The following HEMK2 variants were observed in gnomAD, a reference collection of about 807,000 sequenced individuals.
The protein encoded by HEMK2 is HemK methyltransferase 2, ETF1 glutamine and histone H4 lysine.
chr21:28,765,763 G>A, the HEMK2 span, among the ~76,000 whole-genome samples: 1 of 152,020 alleles, frequency 6.6e-6, no homozygotes, highest in African/African-American at 2.4e-5. Flanking sequence ...GAAATATTTG[G>A]TGCTGTGAGC....
the HEMK2 span, among the ~76,000 whole-genome samples, chr21:28,587,823 A>G: frequency 1.3e-5 from 2 of 152,246 alleles, no homozygotes; most frequent in Non-Finnish European, 2.9e-5. Flanking sequence ...ATAAATGATC[A>G]AGTTTTATTG....
the HEMK2 span, among the ~76,000 whole-genome samples, chr21:28,602,119 A>T: frequency 0.59 from 89,956 of 151,550 alleles, 26,908 homozygotes; most frequent in East Asian, 0.81. Flanking sequence ...TTTAACTATG[A>T]AGGAGAAAAG....
At chr21:28,681,375 C>CA in the HEMK2 span, among the ~76,000 whole-genome samples, 9 of 152,016 alleles carry the variant, frequency 5.9e-5, no homozygotes, top group African/African-American at 2.2e-4. Flanking sequence ...AGGAGAACTA[C>CA]AAACCACTGC....
At chr21:28,591,014 T>G in the HEMK2 span, among the ~76,000 whole-genome samples, 3 of 152,332 alleles carry the variant, frequency 2.0e-5, 1 homozygote, top group Admixed American at 1.3e-4. Flanking sequence ...CACAAACATT[T>G]TGTTACAGCA....
the HEMK2 span, among the ~76,000 whole-genome samples, chr21:28,693,461 G>A: frequency 6.6e-6 from 1 of 152,126 alleles, no homozygotes; most frequent in Non-Finnish European, 1.5e-5. Flanking sequence ...ATCAACTGGA[G>A]GTGAAAGTTT....
chr21:28,821,946 T>C, the HEMK2 span, among the ~76,000 whole-genome samples: 2 of 152,236 alleles, frequency 1.3e-5, no homozygotes, highest in East Asian at 3.8e-4. Context: ...TGGATCTGGA[T>C]ACTGGAAGTT....
the HEMK2 span, among the ~76,000 whole-genome samples, chr21:28,648,639 T>G: frequency 6.6e-6 from 1 of 152,158 alleles, no homozygotes; most frequent in Non-Finnish European, 1.5e-5. Context: ...ACCTTGATCT[T>G]CTATGTTGTG....
the HEMK2 span, among the ~76,000 whole-genome samples, chr21:28,832,733 G>T: frequency 6.6e-6 from 1 of 152,160 alleles, no homozygotes; most frequent in Non-Finnish European, 1.5e-5. Flanking sequence ...ATTGCTAGAG[G>T]ATTTAACATA....
At chr21:28,700,499 T>C in the HEMK2 span, among the ~76,000 whole-genome samples, 1 of 152,026 alleles carries the variant, frequency 6.6e-6, no homozygotes, top group Non-Finnish European at 1.5e-5. Context: ...TTAAAAAGCC[T>C]TCAGAGACTA....
At chr21:28,695,965 C>G in the HEMK2 span, among the ~76,000 whole-genome samples, 84,414 of 151,732 alleles carry the variant, frequency 0.56, 26,143 homozygotes, top group East Asian at 0.84. Flanking sequence ...ACCCGAGACT[C>G]GGTAATTTTT....
chr21:28,588,780 G>A, the HEMK2 span, among the ~76,000 whole-genome samples: 5 of 151,960 alleles, frequency 3.3e-5, no homozygotes, highest in East Asian at 1.9e-4. Context: ...TCAGGAGATC[G>A]AGACCATCCT....
the HEMK2 span, among the ~76,000 whole-genome samples, chr21:28,692,511 TTC>T: frequency 1.3e-5 from 2 of 152,150 alleles, no homozygotes; most frequent in African/African-American, 2.4e-5. Flanking sequence ...TGATACCATT[TTC>T]TCTTTTAAAT....
the HEMK2 span, among the ~76,000 whole-genome samples, chr21:28,752,529 T>C: frequency 6.6e-6 from 1 of 152,228 alleles, no homozygotes. Context: ...ATATAGTATA[T>C]GTTTTCTTCC....
chr21:28,677,708 G>T, the HEMK2 span, among the ~76,000 whole-genome samples: 1 of 152,168 alleles, frequency 6.6e-6, no homozygotes, highest in East Asian at 1.9e-4. Flanking sequence ...ACTTCCAGAG[G>T]AACAATCAGG....
chr21:28,885,261 T>A, the HEMK2 span: 2 of 1,595,276 alleles, frequency 1.3e-6, no homozygotes, highest in Non-Finnish European at 8.6e-7. Context: ...AGCAGAAACG[T>A]GTCCTCCGCG....
At chr21:28,663,325 G>A in the HEMK2 span, among the ~76,000 whole-genome samples, 1 of 152,200 alleles carries the variant, frequency 6.6e-6, no homozygotes, top group East Asian at 1.9e-4. Context: ...GCGGTAATGT[G>A]AGCCCAGTGT....
chr21:28,611,444 T>A, the HEMK2 span, among the ~76,000 whole-genome samples: 4 of 152,174 alleles, frequency 2.6e-5, no homozygotes, highest in Non-Finnish European at 2.9e-5. Context: ...CATTCAAGGC[T>A]ACTATGGACA....
the HEMK2 span, among the ~76,000 whole-genome samples, chr21:28,696,790 G>C: frequency 6.6e-6 from 1 of 152,204 alleles, no homozygotes; most frequent in Admixed American, 6.5e-5. Flanking sequence ...CTGAAATCTA[G>C]ACAGAGGTTC....
the HEMK2 span, among the ~76,000 whole-genome samples, chr21:28,583,003 A>C: frequency 2.0e-5 from 3 of 152,306 alleles, no homozygotes; most frequent in East Asian, 5.8e-4. Flanking sequence ...ATTCTAAAGA[A>C]ATGTGGTACT....
Sources: gnomAD v4.1 joint callset for allele counts (sites outside exome capture counted in the v4.1 genomes callset) on GRCh38, gnomAD v4.1.1 for gene constraint, MANE v1.5 for transcripts, NCBI Gene and HGNC (gene_info 2026-07-23, HGNC 2026-07-21) for gene names.